Variants in PRELID2 observed in about 807,000 individuals in gnomAD.
The protein encoded by PRELID2 is PRELI domain containing 2.
A neutral mutation model predicts 28.4 loss-of-function variants in PRELID2; 25 were observed. The observed-to-expected ratio is 0.88, with a 90% CI of 0.64 to 1.23. PRELID2 has a LOEUF of 1.23. Among genes scored for constraint, PRELID2 ranks in the 50% most tolerant of loss-of-function variants. The pLI is 0.00. For missense variants in PRELID2, 201 were observed against 214.4 expected, an observed-to-expected ratio of 0.94 and a Z score of 0.39; for synonymous variants, 76 against 71.6, an observed-to-expected ratio of 1.06 and a Z score of -0.31.
At chr5:145,360,640 G>T in the PRELID2 span, among the ~76,000 whole-genome samples, 4 of 152,178 alleles carry the variant, frequency 2.6e-5, no homozygotes, top group Non-Finnish European at 5.9e-5. Flanking sequence ...AAATGTTGAT[G>T]CTCCTTACCA....
chr5:145,424,234 C>A, the PRELID2 span, among the ~76,000 whole-genome samples: 1 of 152,146 alleles, frequency 6.6e-6, no homozygotes, highest in Non-Finnish European at 1.5e-5. Flanking sequence ...CAGAGGCAGG[C>A]AGGCCTCCTT....
chr5:145,515,305 G>T (rs547355575), intron 1 of PRELID2, among the ~76,000 whole-genome samples: 186 of 152,264 alleles, frequency 1.2e-3, no homozygotes, highest in Admixed American at 3.3e-3. Context: ...AATAAAAAAT[G>T]ATATAGGGGA....
chr5:145,438,122 G>A, the PRELID2 span, among the ~76,000 whole-genome samples: 1 of 152,006 alleles, frequency 6.6e-6, no homozygotes, highest in Non-Finnish European at 1.5e-5. Flanking sequence ...GATCAAATGT[G>A]GTTCACAAAT....
chr5:145,594,795 T>C (rs1220585054), intron 1 of PRELID2, among the ~76,000 whole-genome samples: 3 of 152,178 alleles, frequency 2.0e-5, no homozygotes, highest in African/African-American at 7.2e-5. Flanking sequence ...TTTTAAGCAA[T>C]GAACTCATGT....
the PRELID2 span, among the ~76,000 whole-genome samples, chr5:145,396,553 T>G: frequency 1.3e-5 from 2 of 151,750 alleles, no homozygotes; most frequent in African/African-American, 4.8e-5. Flanking sequence ...CCTAAAATAT[T>G]TACTCTCTGG....
the PRELID2 span, among the ~76,000 whole-genome samples, chr5:145,268,994 A>T: frequency 1.3e-5 from 2 of 152,176 alleles, no homozygotes; most frequent in African/African-American, 4.8e-5. Context: ...CAAAACCTCC[A>T]TGCTAAGAAC....
the PRELID2 span, among the ~76,000 whole-genome samples, chr5:145,265,423 C>T: frequency 6.6e-6 from 1 of 151,998 alleles, no homozygotes; most frequent in Non-Finnish European, 1.5e-5. Flanking sequence ...AGTGCAATTA[C>T]CATCAAAATA....
chr5:145,348,616 A>AT, the PRELID2 span, among the ~76,000 whole-genome samples: 6 of 151,374 alleles, frequency 4.0e-5, no homozygotes, highest in Non-Finnish European at 5.9e-5. Flanking sequence ...CTTTTTTAGG[A>AT]TTTTTTTCTA....
chr5:145,273,029 A>T, the PRELID2 span, among the ~76,000 whole-genome samples: 1 of 152,060 alleles, frequency 6.6e-6, no homozygotes, highest in Non-Finnish European at 1.5e-5. Context: ...AAATTAGCTC[A>T]TCGGAGAGCA....
At chr5:145,335,541 C>G in the PRELID2 span, among the ~76,000 whole-genome samples, 1 of 151,678 alleles carries the variant, frequency 6.6e-6, no homozygotes, top group Admixed American at 6.6e-5. Flanking sequence ...TTTCTGTTTC[C>G]CTGAAGCAAA....
At chr5:145,697,033 T>TTATATATATATATATATATATATATA (rs36117637) in intron 1 of PRELID2, among the ~76,000 whole-genome samples, 1 of 50,620 alleles carries the variant, frequency 2.0e-5, no homozygotes, top group Non-Finnish European at 4.2e-5. Flanking sequence ...GAGAGGAAAA[T>TTATATATATATATATATATATATATA]TATATATATA....
At chr5:145,370,370 T>G in the PRELID2 span, among the ~76,000 whole-genome samples, 1 of 152,144 alleles carries the variant, frequency 6.6e-6, no homozygotes, top group Non-Finnish European at 1.5e-5. Context: ...CACCATTTAT[T>G]GAATAGGAGA....
the PRELID2 span, among the ~76,000 whole-genome samples, chr5:145,438,686 A>C: frequency 2.6e-5 from 4 of 152,194 alleles, no homozygotes; most frequent in Non-Finnish European, 5.9e-5. Context: ...GTGTGAAAGC[A>C]GGTTCTACCT....
the PRELID2 span, among the ~76,000 whole-genome samples, chr5:145,357,532 A>G: frequency 2.0e-5 from 3 of 152,106 alleles, no homozygotes; most frequent in African/African-American, 7.2e-5. Flanking sequence ...CAATTCTCCT[A>G]TTAACACTTG....
chr5:145,701,984 G>A (rs1469716263), intron 1 of PRELID2, among the ~76,000 whole-genome samples: 1 of 152,028 alleles, frequency 6.6e-6, no homozygotes, highest in Admixed American at 6.6e-5. Flanking sequence ...CTGGGAGGTG[G>A]AGGTTGTGGT....
the PRELID2 span, among the ~76,000 whole-genome samples, chr5:145,358,366 T>G: frequency 6.6e-6 from 1 of 151,942 alleles, no homozygotes; most frequent in East Asian, 2.0e-4. Flanking sequence ...ACCTCTAGGC[T>G]TGAGCTCTGC....
At chr5:145,522,757 A>AAGGAGGAGG (rs10630945) in intron 1 of PRELID2, among the ~76,000 whole-genome samples, 5 of 149,866 alleles carry the variant, frequency 3.3e-5, no homozygotes, top group African/African-American at 9.8e-5. Context: ...TTGGAAGAAA[A>AAGGAGGAGG]AGGAGGAGGA....
At position 145,813,574 on chromosome 5, in the gene PRELID2, A is replaced by G. The variant is rs148904481; in HGVS notation, c.368+4320T>C. Among the ~76,000 whole-genome samples, 93 of 152,318 alleles carry G rather than the reference A, an allele frequency of 6.1e-4. 1 individual carries two copies. In the East Asian group the frequency reaches 0.013, roughly 21 times the overall value. On this transcript the variant is annotated intron_variant, in intron 4 of 6. Transcript: ENST00000683046. ...TGCCTCACCACTGTGCTCAAGGTGGAGTCTACAATATCTGCATTCGTATCT... is the reference window on the plus strand; with the variant it reads ...TGCCTCACCACTGTGCTCAAGGTGGGGTCTACAATATCTGCATTCGTATCT...
At chr5:145,761,181 T>C (rs1757457116) in intron 6 of PRELID2, among the ~76,000 whole-genome samples, 1 of 152,202 alleles carries the variant, frequency 6.6e-6, no homozygotes, top group African/African-American at 2.4e-5. Flanking sequence ...TTTCTGCAAA[T>C]CCCACAAAAC....
Sources: gnomAD v4.1 joint callset for allele counts (sites outside exome capture counted in the v4.1 genomes callset) on GRCh38, gnomAD v4.1.1 for gene constraint, MANE v1.5 for transcripts, NCBI Gene and HGNC (gene_info 2026-07-23, HGNC 2026-07-21) for gene names.